The following CTCF variants were observed in gnomAD, a reference collection of about 807,000 sequenced individuals.
CTCF encodes the protein transcriptional repressor CTCF.
A neutral mutation model predicts 72.3 loss-of-function variants in CTCF; 7 were observed. The observed-to-expected ratio is 0.10, with a 90% CI of 0.06 to 0.18. CTCF has a LOEUF of 0.18. Ranked by LOEUF, CTCF falls within the 10% of genes least tolerant of loss-of-function variation. The probability of loss-of-function intolerance (pLI) is 1.00; values close to 1 mark genes in which losing one functional copy is unlikely to be tolerated. For synonymous variants in CTCF, 374 were observed against 315.8 expected, an observed-to-expected ratio of 1.18 and a Z score of -1.95; for missense variants, 516 against 949.1, an observed-to-expected ratio of 0.54 and a Z score of 6.00.
At chr16:67,623,038 T>C (rs2052225545) in intron 7 of CTCF, among the ~76,000 whole-genome samples, 1 of 151,790 alleles carries the variant, frequency 6.6e-6, no homozygotes, top group South Asian at 2.1e-4. Flanking sequence ...CTCTGTTCAC[T>C]GCAACCTCCG....
intron 2 of CTCF, among the ~76,000 whole-genome samples, chr16:67,600,295 A>G (rs754878718): frequency 1.4e-4 from 22 of 151,882 alleles, no homozygotes; most frequent in Non-Finnish European, 3.2e-4. Context: ...TTGGAGTTCA[A>G]TGGTGTAATC....
rs59655549 is a variant in CTCF, at chr16:67,601,217, G to GGTGTGTGT, written c.-9-9576_-9-9569dup. Among the ~76,000 whole-genome samples, 200 of 128,398 alleles carry GGTGTGTGT rather than the reference G, an allele frequency of 1.6e-3. 2 individuals carry two copies. Among genetic ancestry groups the GGTGTGTGT allele is most frequent in the African/African-American group, 4.8e-3 (165 of 34,526 alleles). The allele number at this position is 128,398 out of a possible 152,430, so 84.2% of individuals were successfully genotyped here. ...CACTGCTTGATGGAATGCACTAAGG[G>GGTGTGTGT]GTGTGTGTGTGTGTGTGTGTGTGTG... On this transcript the variant is annotated intron_variant, in intron 2 of 11. Coordinates refer to ENST00000264010, the MANE Select transcript of CTCF (RefSeq NM_006565.4).
rs998471439 is a variant in CTCF at position 67,629,046 on chromosome 16, C to T, written c.1702-352C>T. Among the ~76,000 whole-genome samples the T allele has an allele frequency of 6.6e-5, 10 of 150,430 alleles. No individual in the cohort carries two copies. In the East Asian group the frequency reaches 1.6e-3, roughly 23 times the overall value. On this transcript the variant is annotated intron_variant, in intron 9 of 11. Transcript: ENST00000264010. ...CAGCCTGGGCGAAAGAGCAAGACTC[C>T]GTCTCAAAAAAAAAAAAAAAATTTC...
At chr16:67,597,804 T>C (rs1490276699) in intron 2 of CTCF, among the ~76,000 whole-genome samples, 1 of 152,218 alleles carries the variant, frequency 6.6e-6, no homozygotes, top group African/African-American at 2.4e-5. Context: ...GCTTTGTTTC[T>C]GGATTCTCTC....
chr16:67,633,552 CAAT>C (rs945542094), intron 10 of CTCF, among the ~76,000 whole-genome samples: 4 of 152,054 alleles, frequency 2.6e-5, no homozygotes, highest in African/African-American at 7.2e-5. Flanking sequence ...AAAAGAGAAT[CAAT>C]AATAGTTTCA....
In CTCF at chr16:67,610,840, G is replaced by C; in HGVS notation, c.8G>C (p.Gly3Ala). ...TTAATAAAGGCAGGGGAAATGGAAG[G>C]TGATGCAGTCGAAGCCATTGTGGAG... ME[G>A]DAVEAIVEES... Residue 3 changes from glycine (G) to alanine (A), a missense_variant, in exon 3 of 12, where the codon GGT becomes GCT. Physicochemically the swap from Gly to Ala is moderately conservative, Grantham distance 60. Transcript: ENST00000264010. The C allele has an allele frequency of 1.4e-6, 2 of 1,471,518 alleles. No individual in the cohort carries two copies. Among genetic ancestry groups the C allele is most frequent in the South Asian group, 3.2e-5 (2 of 62,216 alleles). The allele number at this position is 1,471,518 out of a possible 1,614,324, so 91.2% of individuals were successfully genotyped here.
At chr16:67,585,796 CTT>C (rs2051661704) in intron 2 of CTCF, among the ~76,000 whole-genome samples, 2 of 152,068 alleles carry the variant, frequency 1.3e-5, no homozygotes, top group African/African-American at 2.4e-5. Context: ...TGTTTTATCT[CTT>C]ATATCTTTCT....
intron 2 of CTCF, among the ~76,000 whole-genome samples, chr16:67,599,718 G>A (rs2051862310): frequency 1.3e-5 from 2 of 152,166 alleles, no homozygotes; most frequent in Non-Finnish European, 2.9e-5. Context: ...GGTCTTAGGA[G>A]CTCCATTTTA....
intron 2 of CTCF, among the ~76,000 whole-genome samples, chr16:67,595,465 T>C (rs1168026867): frequency 2.0e-5 from 3 of 152,048 alleles, no homozygotes; most frequent in Admixed American, 2.0e-4. Context: ...TTATCAAAGG[T>C]TTAGATAAGA....
intron 1 of CTCF, among the ~76,000 whole-genome samples, chr16:67,567,599 T>C (rs1434372206): frequency 6.6e-6 from 1 of 152,076 alleles, no homozygotes; most frequent in African/African-American, 2.4e-5. Context: ...TAATACATTT[T>C]GATTGAGGCA....
intron 9 of CTCF, 92 bp from the exon 10 acceptor site, chr16:67,629,306 A>T: frequency 1.6e-6 from 2 of 1,244,214 alleles, no homozygotes; most frequent in Non-Finnish European, 2.3e-6. Flanking sequence ...TAGAATTTTT[A>T]GGCTTAATAT....
At chr16:67,580,278 T>C (rs1291993328) in intron 2 of CTCF, among the ~76,000 whole-genome samples, 1 of 152,168 alleles carries the variant, frequency 6.6e-6, no homozygotes, top group Non-Finnish European at 1.5e-5. Flanking sequence ...GGTGTGATCA[T>C]AGCTCACTAT....
intron 5 of CTCF, among the ~76,000 whole-genome samples, chr16:67,619,114 T>A (rs147400133): frequency 1.3e-5 from 2 of 152,216 alleles, no homozygotes; most frequent in Non-Finnish European, 2.9e-5. Context: ...AGTTATCGAC[T>A]TATGTGTGTG....
At chr16:67,596,194 TGCCC>T (rs1326961864) in intron 2 of CTCF, among the ~76,000 whole-genome samples, 13 of 152,244 alleles carry the variant, frequency 8.5e-5, no homozygotes, top group African/African-American at 3.1e-4. Flanking sequence ...CCTCGTGATC[TGCCC>T]GCCTTGGCCT....
At chr16:67,570,045 T>TA (rs2051393427) in intron 1 of CTCF, among the ~76,000 whole-genome samples, 1 of 151,726 alleles carries the variant, frequency 6.6e-6, no homozygotes, top group African/African-American at 2.4e-5. Flanking sequence ...AATAAACTGT[T>TA]AGAGAGCCAT....
Position 67,629,480 on chromosome 16 carries a change from A to G in CTCF, c.1784A>G (p.Lys595Arg), listed in dbSNP as rs2052333787. ...GENGGETKKS[K>R]RGRKRKMRSK... ...AATGGAGGAGAAACGAAGAAGAGTA[A>G]ACGTGGAAGAAAAAGAAAGATGCGC... is the stretch of plus-strand genomic sequence containing the variant. The change falls in exon 10 of 12, where the codon AAA becomes AGA. Residue 595 changes from lysine to arginine, a missense_variant. Around this residue, in one of 7 missense-constraint regions of CTCF, gnomAD observed 157 missense variants for 172.9 expected, o/e 0.91. Coordinates refer to ENST00000264010, the MANE Select transcript of CTCF (RefSeq NM_006565.4). The G allele has an allele frequency of 6.2e-7, 1 of 1,613,594 alleles. No homozygotes were observed. The highest frequency in any genetic ancestry group is 1.7e-5 in the Admixed American group (1 of 59,894).
At chr16:67,629,964 G>A (rs1178689234) in intron 10 of CTCF, among the ~76,000 whole-genome samples, 1 of 150,450 alleles carries the variant, frequency 6.6e-6, no homozygotes, top group Non-Finnish European at 1.5e-5. Flanking sequence ...TTTTAGTAGA[G>A]ACGGGGTTTC....
At chr16:67,604,742 TTTGTTTTTTG>T (rs1432123109) in intron 2 of CTCF, among the ~76,000 whole-genome samples, 2,459 of 124,832 alleles carry the variant, frequency 0.02, 45 homozygotes, top group Non-Finnish European at 0.027. Flanking sequence ...TTTTTTTTTT[TTTGTTTTTTG>T]TTTTTTTTTT....
intron 10 of CTCF, among the ~76,000 whole-genome samples, chr16:67,635,247 C>A (rs1330317535): frequency 6.6e-6 from 1 of 151,138 alleles, no homozygotes; most frequent in African/African-American, 2.4e-5. Flanking sequence ...GTCTCGATCT[C>A]CTGACCTTGT....
Sources: gnomAD v4.1 joint callset for allele counts (sites outside exome capture counted in the v4.1 genomes callset) on GRCh38, gnomAD v4.1.1 for gene constraint, gnomAD v4.1.1 regional missense constraint, MANE v1.5 for transcripts, NCBI Gene and HGNC (gene_info 2026-07-23, HGNC 2026-07-21) for gene names.